Variants in DLG2 observed in about 807,000 individuals in gnomAD.
The protein encoded by DLG2 is discs large MAGUK scaffold protein 2.
In DLG2, 45 loss-of-function variants were observed where a neutral mutation model predicts 132.5. That is an observed-to-expected ratio of 0.34 (90% CI 0.27 to 0.44). The LOEUF (loss-of-function observed/expected upper bound fraction) is 0.44, where lower values mean the gene tolerates loss of function less well. Ranked by LOEUF, DLG2 falls within the 20% of genes least tolerant of loss-of-function variation. DLG2 has a pLI of 1.00. For missense variants in DLG2, 1,045 were observed against 1,196.9 expected (o/e 0.87, Z 1.87); for synonymous variants, 424 against 419.6 (o/e 1.01, Z -0.13).
chr11:85,302,972 G>T (rs185062765), intron 3 of DLG2, among the ~76,000 whole-genome samples: 1 of 152,122 alleles, frequency 6.6e-6, no homozygotes, highest in Admixed American at 6.6e-5. Flanking sequence ...AAATTGAGAC[G>T]GAGCAAAGTT....
At chr11:85,507,671 G>T (rs1306352810) in intron 3 of DLG2, among the ~76,000 whole-genome samples, 1 of 152,080 alleles carries the variant, frequency 6.6e-6, no homozygotes, top group African/African-American at 2.4e-5. Flanking sequence ...TGGTGAATCT[G>T]ACAATTATGT....
At chr11:83,744,259 T>C (rs1372960439) in intron 18 of DLG2, among the ~76,000 whole-genome samples, 3 of 152,210 alleles carry the variant, frequency 2.0e-5, no homozygotes, top group Non-Finnish European at 2.9e-5. Context: ...TTCCCACTCC[T>C]TCAATTATTC....
intron 6 of DLG2, among the ~76,000 whole-genome samples, chr11:84,613,510 T>C (rs1412885213): frequency 2.6e-5 from 4 of 152,064 alleles, no homozygotes; most frequent in African/African-American, 7.2e-5. Context: ...GAAAATAGTA[T>C]CTATTAAAAT....
intron 3 of DLG2, among the ~76,000 whole-genome samples, chr11:85,540,837 G>A (rs1467555447): frequency 6.6e-6 from 1 of 152,238 alleles, no homozygotes; most frequent in Non-Finnish European, 1.5e-5. Context: ...CTAGGGGTTT[G>A]AGCAGCCAGG....
chr11:84,144,838 T>TG (rs1334961656), intron 9 of DLG2, among the ~76,000 whole-genome samples: 1 of 151,790 alleles, frequency 6.6e-6, no homozygotes, highest in African/African-American at 2.4e-5. Context: ...TTTGCCAGCC[T>TG]GAGAGTTAAG....
intron 4 of DLG2, among the ~76,000 whole-genome samples, chr11:85,264,624 C>T (rs908798244): frequency 1.3e-5 from 2 of 151,990 alleles, no homozygotes; most frequent in African/African-American, 4.8e-5. Flanking sequence ...GAATGGGGTA[C>T]CATTTTACCT....
chr11:84,515,279 AC>A (rs2099269197), intron 7 of DLG2, among the ~76,000 whole-genome samples: 1 of 4,556 alleles, frequency 2.2e-4, no homozygotes, highest in South Asian at 0.019. Context: ...ACTTAAATAC[AC>A]ACACACACAC....
chr11:84,093,952 CTT>C (rs534014624), intron 10 of DLG2, among the ~76,000 whole-genome samples: 2 of 145,846 alleles, frequency 1.4e-5, no homozygotes, highest in Non-Finnish European at 3.0e-5. Flanking sequence ...CACAGTGGGT[CTT>C]TTTTTTTTTA....
intron 6 of DLG2, among the ~76,000 whole-genome samples, chr11:84,539,544 C>T (rs1483877923): frequency 6.6e-6 from 1 of 152,172 alleles, no homozygotes; most frequent in Non-Finnish European, 1.5e-5. Context: ...TTTCTCTCCT[C>T]AGCTTGGTCT....
intron 16 of DLG2, among the ~76,000 whole-genome samples, chr11:83,838,691 G>A (rs1048078912): frequency 6.6e-6 from 1 of 151,938 alleles, no homozygotes; most frequent in Non-Finnish European, 1.5e-5. Context: ...GTTTTGCTGT[G>A]AGGCAACACT....
intron 9 of DLG2, among the ~76,000 whole-genome samples, chr11:84,128,651 T>C (rs1392927329): frequency 6.6e-6 from 1 of 152,114 alleles, no homozygotes; most frequent in Non-Finnish European, 1.5e-5. Context: ...ATATTCAAGA[T>C]TCCCCCAACC....
At chr11:85,105,955 T>A (rs1192905406) in intron 6 of DLG2, among the ~76,000 whole-genome samples, 2 of 148,444 alleles carry the variant, frequency 1.3e-5, no homozygotes. Flanking sequence ...ACACAATGCA[T>A]TCTGGGAAAA....
At chr11:85,217,345 C>CACAG (rs1282666840) in intron 4 of DLG2, among the ~76,000 whole-genome samples, 1 of 151,568 alleles carries the variant, frequency 6.6e-6, no homozygotes, top group Non-Finnish European at 1.5e-5. Context: ...CACACACACA[C>CACAG]AGAGTTTCAA....
intron 3 of DLG2, among the ~76,000 whole-genome samples, chr11:85,541,102 G>A (rs1417511999): frequency 6.6e-6 from 1 of 152,044 alleles, no homozygotes; most frequent in Non-Finnish European, 1.5e-5. Context: ...TTTCTTTCCA[G>A]GTCCATAAGG....
chr11:84,291,672 G>C (rs929258587), intron 7 of DLG2, among the ~76,000 whole-genome samples: 3 of 152,064 alleles, frequency 2.0e-5, no homozygotes, highest in Non-Finnish European at 2.9e-5. Flanking sequence ...GAGGCACAAG[G>C]GTTCATGTAA....
chr11:84,174,035 T>TTTTTTTTG (rs2095885474), intron 8 of DLG2, among the ~76,000 whole-genome samples: 2 of 141,974 alleles, frequency 1.4e-5, no homozygotes, highest in East Asian at 4.0e-4. Flanking sequence ...TTTTTTTTTT[T>TTTTTTTTG]TCTGAGTAAA....
chr11:84,655,754 A>C (rs1406549983), intron 6 of DLG2, among the ~76,000 whole-genome samples: 1 of 133,232 alleles, frequency 7.5e-6, no homozygotes, highest in Non-Finnish European at 1.6e-5. Flanking sequence ...TTTTTTTTTC[A>C]TGGAGTGGTT....
intron 6 of DLG2, among the ~76,000 whole-genome samples, chr11:84,628,738 G>C (rs1001517700): frequency 3.3e-5 from 5 of 152,142 alleles, no homozygotes; most frequent in African/African-American, 1.2e-4. Context: ...TGGTGGGTTG[G>C]AGACAAAGAT....
At chr11:83,610,553 G>A (rs1277066201) in intron 19 of DLG2, among the ~76,000 whole-genome samples, 1 of 151,112 alleles carries the variant, frequency 6.6e-6, no homozygotes, top group Non-Finnish European at 1.5e-5. Flanking sequence ...GAACAGACAG[G>A]GTAACAGATC....
Sources: allele counts gnomAD v4.1 joint callset (sites outside exome capture counted in the v4.1 genomes callset), GRCh38; gene constraint gnomAD v4.1.1; transcripts MANE v1.5; gene names NCBI Gene and HGNC (gene_info 2026-07-23, HGNC 2026-07-21).